Variants in UNC79 observed in about 807,000 individuals in gnomAD.
UNC79 encodes unc-79 subunit of NALCN channel complex.
Under a neutral mutation model 283.1 loss-of-function variants are expected in UNC79, and 37 were observed. The observed-to-expected ratio is 0.13, with a 90% confidence interval of 0.10 to 0.17. The LOEUF is 0.17. Among genes scored for constraint, UNC79 ranks in the 10% least tolerant of loss-of-function variants. UNC79 has a pLI of 1.00. For synonymous variants in UNC79, 1,107 were observed against 1,200.2 expected, an observed-to-expected ratio of 0.92 and a Z score of 1.61; for missense variants, 2,272 against 3,211.1, an observed-to-expected ratio of 0.71 and a Z score of 7.07.
At chr14:93,620,626 C>T (rs1016753419) in intron 29 of UNC79, among the ~76,000 whole-genome samples, 6 of 152,166 alleles carry the variant, frequency 3.9e-5, no homozygotes, top group Admixed American at 2.6e-4. Flanking sequence ...CCCAAAAAGG[C>T]GCTATTGGAC....
chr14:93,593,725 G>T, exon 23 of UNC79: 1 of 1,613,356 alleles, frequency 6.2e-7, no homozygotes, highest in Non-Finnish European at 8.5e-7. Context: ...TGTCTTCCCT[G>T]GCAGTCCCTC....
upstream of UNC79, among the ~76,000 whole-genome samples, chr14:93,426,028 C>A (rs1860557927): frequency 6.6e-6 from 1 of 152,162 alleles, no homozygotes; most frequent in Non-Finnish European, 1.5e-5. Context: ...TCTCTCAGTT[C>A]TCTTCCATCT....
At chr14:93,652,237 T>C (rs2070364720) in intron 35 of UNC79, among the ~76,000 whole-genome samples, 1 of 152,082 alleles carries the variant, frequency 6.6e-6, no homozygotes, top group Non-Finnish European at 1.5e-5. Flanking sequence ...AATTGAGGTA[T>C]TTCCAGTTTG....
At chr14:93,647,263 C>A (rs543209908) in intron 35 of UNC79, among the ~76,000 whole-genome samples, 41 of 152,280 alleles carry the variant, frequency 2.7e-4, no homozygotes, top group African/African-American at 9.9e-4. Flanking sequence ...TCCTGGCTCT[C>A]ACGGAACTTA....
chr14:93,621,229 G>T lies in UNC79; in HGVS notation c.4388-392G>T, dbSNP rs2067107150. On this transcript the variant is annotated intron_variant, in intron 29 of 48. Transcript: ENST00000555664. This position sits in a 1 kb window ranked among gnomAD's most constrained non-coding sequence, Gnocchi z 4.8. The stretch of plus-strand genomic sequence containing the variant: ...GTGAATCGACAGATACATCATTAAT[G>T]TCATGATCGTCTTTGAGAGCCATTG... 6.6e-6 allele frequency among the ~76,000 whole-genome samples: 1 copy of T among 152,062 alleles called. No homozygotes were observed. The highest frequency in any genetic ancestry group is 2.1e-4 in the South Asian group (1 of 4,812).
intron 7 of UNC79, among the ~76,000 whole-genome samples, chr14:93,502,269 C>G (rs1318987641): frequency 6.6e-6 from 1 of 151,932 alleles, no homozygotes; most frequent in Non-Finnish European, 1.5e-5. Flanking sequence ...AAAAAAATTC[C>G]GGGTGTGGTG....
At chr14:93,436,224 T>C (rs2056081114) in intron 1 of UNC79, among the ~76,000 whole-genome samples, 1 of 152,242 alleles carries the variant, frequency 6.6e-6, no homozygotes, top group African/African-American at 2.4e-5. Context: ...TATGAAGTTC[T>C]GCATTCTATG....
At chr14:93,541,337 C>G (rs149929098) in intron 13 of UNC79, among the ~76,000 whole-genome samples, 9 of 152,292 alleles carry the variant, frequency 5.9e-5, no homozygotes, top group African/African-American at 2.2e-4. Context: ...TTGCTATTGA[C>G]TGATTTAATT....
At chr14:93,385,045 C>G (rs2139995700) in intron 1 of UNC79, among the ~76,000 whole-genome samples, 1 of 152,278 alleles carries the variant, frequency 6.6e-6, no homozygotes, top group African/African-American at 2.4e-5. Context: ...GTCTACATGT[C>G]TCTTTTTATG....
chr14:93,433,095 C>T (rs1278644902), intron 1 of UNC79, among the ~76,000 whole-genome samples: 1 of 152,140 alleles, frequency 6.6e-6, no homozygotes. Context: ...AACATGTGGA[C>T]TTGAGCTTTG....
chr14:93,463,871 C>T (rs142902682), intron 1 of UNC79, among the ~76,000 whole-genome samples: 10 of 152,212 alleles, frequency 6.6e-5, no homozygotes, highest in Non-Finnish European at 1.3e-4. Context: ...TCCTCGGGGC[C>T]GGGCGCTGTG....
intron 14 of UNC79, among the ~76,000 whole-genome samples, chr14:93,562,758 C>T (rs879653813): frequency 1.8e-4 from 27 of 152,242 alleles, no homozygotes; most frequent in South Asian, 4.1e-4. Flanking sequence ...GAAGTGACTG[C>T]GGTGGCCTTC....
intron 1 of UNC79, among the ~76,000 whole-genome samples, chr14:93,343,827 A>C (rs1413962507): frequency 6.6e-6 from 1 of 152,236 alleles, no homozygotes; most frequent in Non-Finnish European, 1.5e-5. Flanking sequence ...GCTCTAATTA[A>C]GTTCTTTTAT....
chr14:93,590,552 C>A (rs539807369), intron 22 of UNC79, among the ~76,000 whole-genome samples: 4 of 152,148 alleles, frequency 2.6e-5, no homozygotes, highest in African/African-American at 4.8e-5. Context: ...AGCAACCCCC[C>A]AGAATGTACA....
rs572950986 is a variant in UNC79 at position 93,404,922 on chromosome 14, G to A, written c.-350-62749G>A. Among the ~76,000 whole-genome samples the A allele has an allele frequency of 2.0e-5, 3 of 152,064 alleles. No homozygotes were observed. The East Asian group carries it at 5.8e-4, about 29-fold the overall frequency. Reference sequence around the variant, plus strand: ...TAAGAAGCTTATATAGATATGTATTGGAAATTAGAATTTAGGGCAAAATCA... The same window carrying A: ...TAAGAAGCTTATATAGATATGTATTAGAAATTAGAATTTAGGGCAAAATCA... On this transcript the variant is annotated intron_variant, in intron 1 of 49. Coordinates refer to the UNC79 transcript ENST00000256339.
intron 41 of UNC79, among the ~76,000 whole-genome samples, chr14:93,677,530 A>G (rs748939879): frequency 8.5e-5 from 13 of 152,216 alleles, no homozygotes; most frequent in Non-Finnish European, 1.5e-4. Flanking sequence ...CTCACCATTC[A>G]ATTATCTCCA....
At chr14:93,549,765 C>T (rs1251897215) in intron 14 of UNC79, among the ~76,000 whole-genome samples, 2 of 152,130 alleles carry the variant, frequency 1.3e-5, no homozygotes, top group Non-Finnish European at 2.9e-5. Flanking sequence ...CTGATGTTTG[C>T]CTTATTAACA....
chr14:93,522,476 A>T (rs1006597867), intron 7 of UNC79, among the ~76,000 whole-genome samples: 2 of 152,142 alleles, frequency 1.3e-5, no homozygotes, highest in South Asian at 2.1e-4. Flanking sequence ...TGGGATCAGA[A>T]GAATGCAGCA....
intron 1 of UNC79, among the ~76,000 whole-genome samples, chr14:93,464,377 CT>C (rs1221029472): frequency 1.3e-5 from 2 of 152,182 alleles, no homozygotes; most frequent in African/African-American, 4.8e-5. Context: ...CTCACGTGGC[CT>C]TTCCTCTGTG....
Sources: gnomAD v4.1 joint callset for allele counts (sites outside exome capture counted in the v4.1 genomes callset) on GRCh38, gnomAD v4.1.1 for gene constraint, Gnocchi (gnomAD v3.1) non-coding constraint, MANE v1.5 for transcripts, NCBI Gene and HGNC (gene_info 2026-07-23, HGNC 2026-07-21) for gene names.